NAA60: variants seen among roughly 807,000 people sequenced by gnomAD.
NAA60 encodes N-alpha-acetyltransferase 60.
Under a neutral mutation model 26.1 loss-of-function variants are expected in NAA60, and 8 were observed. The ratio of observed to expected loss-of-function variants is 0.31; its 90% confidence interval spans 0.18 to 0.55. The LOEUF (loss-of-function observed/expected upper bound fraction) is 0.55, where lower values mean the gene tolerates loss of function less well. Ranked by LOEUF, NAA60 falls within the 20% of genes least tolerant of loss-of-function variation. The probability of loss-of-function intolerance (pLI) is 0.93; values close to 1 mark genes in which losing one functional copy is unlikely to be tolerated. For missense variants in NAA60, 290 were observed against 311.3 expected (o/e 0.93, Z 0.51); for synonymous variants, 131 against 122.5 (o/e 1.07, Z -0.46).
intron 2 of NAA60, chr16:3,467,820 G>A (rs556638854): frequency 3.9e-5 from 6 of 152,216 alleles, no homozygotes; most frequent in African/African-American, 9.7e-5. Context: ...AGTTGTTACC[G>A]ATGGAGGGTA....
chr16:3,480,262 C>G (rs2036741719), intron 4 of NAA60, among the ~76,000 whole-genome samples: 1 of 152,178 alleles, frequency 6.6e-6, no homozygotes, highest in Non-Finnish European at 1.5e-5. Flanking sequence ...CAACAACTGG[C>G]AGATGGTTCA....
chr16:3,478,356 G>A (rs1304281336), intron 3 of NAA60, among the ~76,000 whole-genome samples: 1 of 152,256 alleles, frequency 6.6e-6, no homozygotes, highest in Non-Finnish European at 1.5e-5. Flanking sequence ...CTGAGAGCCA[G>A]TGGAGCCACG....
chr16:3,459,169 C>T (rs910811539), intron 2 of NAA60, among the ~76,000 whole-genome samples: 1 of 152,166 alleles, frequency 6.6e-6, no homozygotes, highest in African/African-American at 2.4e-5. Flanking sequence ...GAGAACATTG[C>T]CGTGTACAGA....
chr16:3,446,714 G>C (rs2034571310), intron 1 of NAA60, among the ~76,000 whole-genome samples: 1 of 151,324 alleles, frequency 6.6e-6, no homozygotes, highest in African/African-American at 2.4e-5. Flanking sequence ...GGGTTCAAGT[G>C]ATTCTTGTGC....
chr16:3,449,588 GGAA>G (rs1443044536), intron 2 of NAA60, among the ~76,000 whole-genome samples: 2 of 152,166 alleles, frequency 1.3e-5, no homozygotes, highest in African/African-American at 4.8e-5. Flanking sequence ...GGGAGGCTAA[GGAA>G]GAAGAATTGC....
intron 4 of NAA60, among the ~76,000 whole-genome samples, chr16:3,480,280 T>C (rs1176857707): frequency 3.3e-5 from 5 of 152,158 alleles, no homozygotes; most frequent in Non-Finnish European, 7.3e-5. Context: ...TCAATTTGTT[T>C]GGCTTGAGGT....
intron 6 of NAA60, 116 bp from the exon 7 acceptor site, chr16:3,484,583 C>A: frequency 7.2e-7 from 1 of 1,381,622 alleles, no homozygotes; most frequent in Non-Finnish European, 9.8e-7. Flanking sequence ...TCTCAGCCTC[C>A]GAAGCCTGGC....
rs1361246809 is a variant in NAA60, at chr16:3,443,706, G to A, written c.-208G>A. 2.1e-6 allele frequency: 3 copies of A among 1,433,720 alleles called. No individual in the cohort carries two copies. Among genetic ancestry groups the A allele is most frequent in the South Asian group, 1.4e-5 (1 of 69,490 alleles). 88.8% of individuals were successfully genotyped at this position (1,433,720 alleles called of 1,614,324 possible). On this transcript the variant is annotated 5_prime_UTR_variant, in exon 1 of 8. The change creates a new upstream start codon in the 5' untranslated region. Coordinates refer to ENST00000407558, the MANE Select transcript of NAA60 (RefSeq NM_001083601.3). ...CGCTTCCGCTGGCGGGGTCTCCTCC[G>A]TGAGCTCCGGGCCTGTTTGCCTGCT...
At chr16:3,463,329 C>T (rs2035531825) in intron 2 of NAA60, among the ~76,000 whole-genome samples, 1 of 151,714 alleles carries the variant, frequency 6.6e-6, no homozygotes, top group Non-Finnish European at 1.5e-5. Flanking sequence ...AGGTGGATCA[C>T]TTGAGCTCTG....
intron 1 of NAA60, chr16:3,447,742 G>A (rs1303637940): frequency 7.2e-6 from 4 of 552,476 alleles, no homozygotes; most frequent in Non-Finnish European, 9.2e-6. Flanking sequence ...GGGGACAATG[G>A]CTGCAAGTCA....
chr16:3,448,753 A>G (rs1019439298), intron 2 of NAA60: 79 of 482,390 alleles, frequency 1.6e-4, no homozygotes, highest in Non-Finnish European at 2.8e-4. Flanking sequence ...ACAGGGATAC[A>G]GTACAAGTAT....
At chr16:3,459,727 A>C (rs1055454704) in intron 2 of NAA60, among the ~76,000 whole-genome samples, 4 of 151,958 alleles carry the variant, frequency 2.6e-5, no homozygotes, top group African/African-American at 7.3e-5. Context: ...GTCTGGTATC[A>C]GCATGCCAGA....
chr16:3,462,574 C>G (rs2035480073), intron 2 of NAA60: 1 of 152,110 alleles, frequency 6.6e-6, no homozygotes, highest in Non-Finnish European at 1.5e-5. Flanking sequence ...CGTTTTTAAC[C>G]TTTTCATTGA....
chr16:3,481,148 G>A (rs1236613219), intron 4 of NAA60, among the ~76,000 whole-genome samples: 3 of 151,900 alleles, frequency 2.0e-5, no homozygotes, highest in East Asian at 3.9e-4. Flanking sequence ...TTGAAACGGA[G>A]TCTCACTATC....
intron 6 of NAA60, 130 bp from the exon 7 acceptor site, chr16:3,484,569 G>C: frequency 8.2e-7 from 1 of 1,213,142 alleles, no homozygotes. Flanking sequence ...GAGGCTTAGC[G>C]GGCTCTCAGC....
chr16:3,455,604 C>T (rs2034958342), intron 2 of NAA60, among the ~76,000 whole-genome samples: 2 of 151,538 alleles, frequency 1.3e-5, no homozygotes, highest in East Asian at 2.0e-4. Context: ...ACCGTGTTAG[C>T]CAGGATGCTC....
intron 3 of NAA60, 110 bp from the exon 4 acceptor site, chr16:3,479,361 G>A: frequency 8.7e-7 from 1 of 1,151,206 alleles, no homozygotes; most frequent in East Asian, 2.4e-5. Flanking sequence ...GGCAGCCTTA[G>A]AGCAGCAGGC....
At chr16:3,448,059 A>T (rs2034624397) in intron 1 of NAA60, among the ~76,000 whole-genome samples, 1 of 152,126 alleles carries the variant, frequency 6.6e-6, no homozygotes, top group South Asian at 2.1e-4. Context: ...AGACTCCTGG[A>T]GGGTAGTAAG....
intron 2 of NAA60, among the ~76,000 whole-genome samples, chr16:3,456,119 A>C (rs1481232549): frequency 6.6e-6 from 1 of 152,230 alleles, no homozygotes; most frequent in Non-Finnish European, 1.5e-5. Flanking sequence ...AAACAAACAC[A>C]CACCCCGTGG....
Sources: gnomAD v4.1 joint callset for allele counts (sites outside exome capture counted in the v4.1 genomes callset) on GRCh38, gnomAD v4.1.1 for gene constraint, MANE v1.5 for transcripts, NCBI Gene and HGNC (gene_info 2026-07-23, HGNC 2026-07-21) for gene names.